Variants in DHODH observed in about 807,000 individuals in gnomAD.
DHODH encodes the protein dihydroorotate dehydrogenase (quinone), mitochondrial.
In DHODH, 30 loss-of-function variants were observed where a neutral mutation model predicts 39.7. The ratio of observed to expected loss-of-function variants is 0.76; its 90% confidence interval spans 0.57 to 1.02. The LOEUF is 1.02. DHODH is among the 50% of genes least tolerant of loss of function. The pLI is 0.00. For missense variants in DHODH, 531 were observed against 520.8 expected (o/e 1.02, Z -0.19); for synonymous variants, 222 against 213.8 (o/e 1.04, Z -0.34).
rs542454493 is a variant in DHODH at position 72,023,592 on chromosome 16, C to T, written c.1092C>T (p.Pro364=). The change falls in exon 8 of 9, where the codon CCC becomes CCT. Residue 364 remains proline (P), a synonymous_variant. Transcript: ENST00000219240. The part of the protein sequence containing the change: ...LYTALTFWGP[P]VVGKVKRELE... Reference sequence around the variant, plus strand: ...CGGCCCTCACCTTCTGGGGGCCACCCGTTGTGGGCAAAGTCAAGCGGGAAC... The same window carrying T: ...CGGCCCTCACCTTCTGGGGGCCACCTGTTGTGGGCAAAGTCAAGCGGGAAC... 6.8e-6 allele frequency: 11 copies of T among 1,614,106 alleles called. No homozygotes were observed. The highest frequency in any genetic ancestry group is 1.1e-5 in the South Asian group (1 of 91,078).
chr16:72,009,256 C>A (rs898940236), intron 1 of DHODH: 15 of 454,192 alleles, frequency 3.3e-5, no homozygotes, highest in African/African-American at 3.2e-4. Flanking sequence ...GTAATCCCAG[C>A]ACTTTGGGAG....
In DHODH at chr16:72,021,178, C is replaced by T. The variant is rs371527785; in HGVS notation, c.572C>T (p.Ala191Val). 5.8e-5 allele frequency: 94 copies of T among 1,609,408 alleles called. No individual in the cohort carries two copies. The highest frequency in any genetic ancestry group is 1.6e-4 in the Middle Eastern group (1 of 6,076). Residue 191 changes from alanine to valine, a missense_variant, in exon 5 of 9, where the codon GCG becomes GTG. Transcript: ENST00000219240. ...AAGAACAAGACCTCAGTGGACGCCG[C>T]GGAGGACTACGCAGAAGGGGTGCGC... ...LGKNKTSVDA[A>V]EDYAEGVRVL...
At chr16:72,009,824 C>G (rs1383832585) in intron 1 of DHODH, among the ~76,000 whole-genome samples, 1 of 152,162 alleles carries the variant, frequency 6.6e-6, no homozygotes, top group East Asian at 1.9e-4. Flanking sequence ...CCATGTTGGT[C>G]AGGCTGGTCT....
rs1457734356 is a variant in DHODH at position 72,014,600 on chromosome 16, C to T, written c.362C>T (p.Thr121Ile). The T allele has an allele frequency of 6.2e-7, 1 of 1,614,150 alleles. No homozygotes were observed. Among genetic ancestry groups the T allele is most frequent in the African/African-American group, 1.3e-5 (1 of 75,042 alleles). The change falls in exon 3 of 9, where the codon ACT (threonine) becomes ATT (isoleucine). Residue 121 changes from threonine (T) to isoleucine (I), a missense_variant. By Grantham distance (89) the Thr-to-Ile change is moderately conservative. Transcript: ENST00000219240. The stretch of plus-strand genomic sequence containing the variant: ...GGTTTTGTTGAGATAGGAAGTGTGA[C>T]TCCAAAACCTCAGGAAGGAAACCCT... ...GFGFVEIGSV[T>I]PKPQEGNPRP...
At chr16:72,009,420 G>A (rs1160532955) in intron 1 of DHODH, among the ~76,000 whole-genome samples, 2 of 147,080 alleles carry the variant, frequency 1.4e-5, no homozygotes, top group South Asian at 4.4e-4. Context: ...GGAGAATGGC[G>A]TGAACCCGGG....
chr16:72,026,992 TG>T lies in DHODH; in HGVS notation c.*2794del, dbSNP rs1567576018. On this transcript the variant is annotated 3_prime_UTR_variant, in exon 9 of 9. Transcript: ENST00000219240. ...GTGTGTGTGTGTGTGTGTGTGTGTG[TG>T]TGTGTGTGTGTGTGTGTTTTTGAGA... 6.2e-3 allele frequency: 892 copies of T among 144,818 alleles called. 5 individuals are homozygous for T. Among genetic ancestry groups the T allele is most frequent in the Middle Eastern group, 0.017 (5 of 286 alleles). 9.0% of individuals were successfully genotyped at this position (144,818 alleles called of 1,614,324 possible).
rs758676746 is a variant in DHODH, at chr16:72,023,242, A to G, written c.897A>G (p.Glu299=). 1 of 1,614,184 alleles carries G rather than the reference A, an allele frequency of 6.2e-7. No individual in the cohort carries two copies. The highest frequency in any genetic ancestry group is 1.7e-5 in the Admixed American group (1 of 60,016). The change falls in exon 7 of 9, where the codon GAA becomes GAG. Residue 299 remains glutamate (E), a synonymous_variant. Coordinates refer to ENST00000219240, the MANE Select transcript of DHODH (RefSeq NM_001361.5). ...GCCTCCAGGGTGCCCTGCGCTCTGA[A>G]ACAGGAGGGCTGAGTGGGAAGCCCC... ...PAGLQGALRS[E]TGGLSGKPLR...
chr16:72,009,184 G>C, intron 1 of DHODH: 3 of 1,066,752 alleles, frequency 2.8e-6, no homozygotes, highest in Non-Finnish European at 3.4e-6. Context: ...TCTGTGAAAA[G>C]TTCTTAGCTG....
intron 2 of DHODH, chr16:72,013,590 T>C (rs948146340): frequency 1.3e-5 from 2 of 152,240 alleles, no homozygotes; most frequent in African/African-American, 4.8e-5. Context: ...TCAGGCATGT[T>C]AGAATCCCCC....
chr16:72,021,967 C>T (rs962955761), intron 5 of DHODH, among the ~76,000 whole-genome samples: 3 of 152,004 alleles, frequency 2.0e-5, no homozygotes, highest in Admixed American at 6.6e-5. Flanking sequence ...GTGGTGCACA[C>T]CTGTAGTCCC....
chr16:72,021,067 A>G, intron 4 of DHODH, 57 bp from the exon 5 acceptor site: 1 of 1,526,104 alleles, frequency 6.6e-7, no homozygotes, highest in Non-Finnish European at 8.9e-7. Flanking sequence ...GGGCAGCCTC[A>G]GAAGGTGGCA....
Position 72,022,348 on chromosome 16 carries a change from G to A in DHODH, c.706-14G>A, listed in dbSNP as rs769159393. ...GTCTGCGGGGTCCCCAGCTCTGGCCGTGTGTCGCCCTAGGTGCTGCAGGAG... is the reference window on the plus strand; with the variant it reads ...GTCTGCGGGGTCCCCAGCTCTGGCCATGTGTCGCCCTAGGTGCTGCAGGAG... On this transcript the variant is annotated splice_polypyrimidine_tract_variant and intron_variant, in intron 5 of 8. Coordinates refer to ENST00000219240, the MANE Select transcript of DHODH (RefSeq NM_001361.5). 2.6e-5 allele frequency: 41 copies of A among 1,548,142 alleles called. No homozygotes were observed. The highest frequency in any genetic ancestry group is 5.5e-5 in the African/African-American group (4 of 73,024).
intron 2 of DHODH, among the ~76,000 whole-genome samples, chr16:72,012,972 A>ATCCTCATGGAAGCTGCT (rs536572409): frequency 2.0e-5 from 3 of 152,176 alleles, no homozygotes; most frequent in Non-Finnish European, 2.9e-5. Context: ...AAGAGTCCCC[A>ATCCTCATGGAAGCTGCT]TCCTCATGGA....
At chr16:72,022,591 G>A (rs2041233132) in intron 6 of DHODH, 116 bp downstream of exon 6, 2 of 867,834 alleles carry the variant, frequency 2.3e-6, no homozygotes, top group Non-Finnish European at 1.9e-6. Flanking sequence ...GGTATTCAAG[G>A]CTGGTTTGGT....
At chr16:72,023,093 C>A (rs1051882888) in intron 6 of DHODH, 72 bp from the exon 7 acceptor site, 7 of 1,562,144 alleles carry the variant, frequency 4.5e-6, no homozygotes, top group Non-Finnish European at 6.1e-6. Flanking sequence ...CTGCTGCCTT[C>A]GACCTCCAGA....
chr16:72,009,497 G>C (rs1392002781), intron 1 of DHODH, among the ~76,000 whole-genome samples: 2 of 98,952 alleles, frequency 2.0e-5, no homozygotes, highest in Non-Finnish European at 3.9e-5. Flanking sequence ...GCGACAGAGC[G>C]AGACTCCGTC....
rs2041231200 is a variant in DHODH, at chr16:72,022,438, G to A, written c.782G>A (p.Ser261Asn). Reference sequence around the variant, plus strand: ...GTGAAGATCGCTCCTGACCTCACCAGCCAGGATAAGGAGGACATTGCCAGT... The same window carrying A: ...GTGAAGATCGCTCCTGACCTCACCAACCAGGATAAGGAGGACATTGCCAGT... ...VLVKIAPDLT[S>N]QDKEDIASVV... Residue 261 changes from serine (S) to asparagine (N), a missense_variant, in exon 6 of 9, where the codon AGC becomes AAC. Transcript: ENST00000219240. 1 of 1,556,352 alleles carries A rather than the reference G, an allele frequency of 6.4e-7. No homozygotes were observed. Among genetic ancestry groups the A allele is most frequent in the East Asian group, 2.4e-5 (1 of 41,410 alleles).
rs1597398851 is a variant in DHODH, at chr16:72,024,301, C to T, written c.*102C>T. 4 of 1,324,332 alleles carry T rather than the reference C, an allele frequency of 3.0e-6. No homozygotes were observed. Among genetic ancestry groups the T allele is most frequent in the East Asian group, 2.3e-5 (1 of 42,814 alleles). 82.0% of individuals were successfully genotyped at this position (1,324,332 alleles called of 1,614,324 possible). Reference sequence around the variant, plus strand: ...GGAGGGACTCCATCTTGAGCCATGTCCCCCAGCCATGGCATGGCTGCACTG... The same window carrying T: ...GGAGGGACTCCATCTTGAGCCATGTTCCCCAGCCATGGCATGGCTGCACTG... On this transcript the variant is annotated 3_prime_UTR_variant, in exon 9 of 9. Coordinates refer to ENST00000219240, the MANE Select transcript of DHODH (RefSeq NM_001361.5).
In DHODH at chr16:72,014,587, A is replaced by T. The variant is rs528403594; in HGVS notation, c.349A>T (p.Ile117Leu). The change falls in exon 3 of 9, where the codon ATA becomes TTA. Residue 117 changes from isoleucine (I) to leucine (L), a missense_variant. Transcript: ENST00000219240. ...TAAGATGGGCTTTGGTTTTGTTGAG[A>T]TAGGAAGTGTGACTCCAAAACCTCA... ...LYKMGFGFVEIGSVTPKPQEG... is the reference protein window; with the variant it reads ...LYKMGFGFVELGSVTPKPQEG... The T allele has an allele frequency of 5.6e-6, 9 of 1,614,176 alleles. No homozygotes were observed. In the East Asian group the frequency reaches 1.8e-4, roughly 32 times the overall value.
Sources: allele counts gnomAD v4.1 joint callset (sites outside exome capture counted in the v4.1 genomes callset), GRCh38; gene constraint gnomAD v4.1.1; transcripts MANE v1.5; gene names NCBI Gene and HGNC (gene_info 2026-07-23, HGNC 2026-07-21).